The following LARP4B variants were observed in gnomAD, a reference collection of about 807,000 sequenced individuals.
LARP4B encodes La ribonucleoprotein 4B.
Under a neutral mutation model 89.8 loss-of-function variants are expected in LARP4B, and 12 were observed. The ratio of observed to expected loss-of-function variants is 0.13; its 90% confidence interval spans 0.09 to 0.22. The LOEUF (loss-of-function observed/expected upper bound fraction) is 0.22, where lower values mean the gene tolerates loss of function less well. LARP4B is among the 10% of genes least tolerant of loss of function. The pLI is 1.00. For missense variants in LARP4B, 757 were observed against 947.7 expected (o/e 0.80, Z 2.64); for synonymous variants, 367 against 363.3 (o/e 1.01, Z -0.12).
At chr10:842,063 G>A (rs1833544402) in intron 7 of LARP4B, among the ~76,000 whole-genome samples, 1 of 151,952 alleles carries the variant, frequency 6.6e-6, no homozygotes, top group South Asian at 2.1e-4. Flanking sequence ...TATAGGCAGT[G>A]GACTTAATTG....
chr10:869,691 G>A (rs373693284), intron 3 of LARP4B, among the ~76,000 whole-genome samples: 3 of 151,882 alleles, frequency 2.0e-5, no homozygotes, highest in East Asian at 1.9e-4. Context: ...GTTCAAAACC[G>A]GCCTGGCCAA....
the LARP4B span, among the ~76,000 whole-genome samples, chr10:963,950 G>C: frequency 1.7e-4 from 26 of 152,266 alleles, no homozygotes; most frequent in African/African-American, 6.3e-4. Context: ...TATTTTTGGG[G>C]GACACATTCA....
the LARP4B span, among the ~76,000 whole-genome samples, chr10:945,433 T>C: frequency 6.7e-6 from 1 of 149,022 alleles, no homozygotes; most frequent in Admixed American, 6.7e-5. Flanking sequence ...ACACCTGTAA[T>C]CCCAGCACTT....
At chr10:910,335 T>C (rs1246043095) in intron 1 of LARP4B, among the ~76,000 whole-genome samples, 4 of 152,214 alleles carry the variant, frequency 2.6e-5, no homozygotes, top group South Asian at 2.1e-4. Context: ...TCTCTACTTA[T>C]ATTAATTTTG....
upstream of LARP4B, among the ~76,000 whole-genome samples, chr10:932,683 C>G (rs1329331287): frequency 8.3e-5 from 12 of 143,984 alleles, 1 homozygote; most frequent in Admixed American, 2.1e-4. Context: ...CCCGGCACTG[C>G]CCCGAACGCC....
At position 814,682 on chromosome 10, in the gene LARP4B, C is replaced by T. The variant is rs756385716; in HGVS notation, c.1929+60G>A. The T allele has an allele frequency of 3.9e-6, 6 of 1,554,572 alleles. No homozygotes were observed. Among genetic ancestry groups the T allele is most frequent in the African/African-American group, 2.7e-5 (2 of 73,272 alleles). Reference sequence around the variant, plus strand: ...AACGAGCAGGTGCAGGAGTGCGCAGCGTCTGTTCACACCAGAGCCTCGCGG... The same window carrying T: ...AACGAGCAGGTGCAGGAGTGCGCAGTGTCTGTTCACACCAGAGCCTCGCGG... On this transcript the variant is annotated intron_variant, in intron 17 of 17. Coordinates refer to ENST00000316157, the MANE Select transcript of LARP4B (RefSeq NM_015155.3). The surrounding 1 kb of genome is among the most constrained non-coding windows in gnomAD (Gnocchi z 4.4).
intron 1 of LARP4B, among the ~76,000 whole-genome samples, chr10:887,043 TG>T (rs1251133946): frequency 7.9e-5 from 12 of 151,864 alleles, no homozygotes; most frequent in Admixed American, 7.9e-4. Flanking sequence ...GCTGAGATAG[TG>T]CCATTGCACT....
In LARP4B at chr10:810,281, G is replaced by A. The variant is rs1316626439; in HGVS notation, c.*2645C>T. 6.6e-6 allele frequency: 1 copy of A among 152,092 alleles called. No homozygotes were observed. The highest frequency in any genetic ancestry group is 2.4e-5 in the African/African-American group (1 of 41,400). 9.4% of individuals were successfully genotyped at this position (152,092 alleles called of 1,614,324 possible). A position where few individuals can be genotyped will look rare whatever the true frequency, so the allele number is the denominator to read the frequency against. On this transcript the variant is annotated 3_prime_UTR_variant, in exon 18 of 18. Coordinates refer to ENST00000316157, the MANE Select transcript of LARP4B (RefSeq NM_015155.3). ...ATTATGATAACTCTCATTTTCTTCT[G>A]AGCAGAAACTCTTGAAGTAGTATCA...
intron 3 of LARP4B, among the ~76,000 whole-genome samples, chr10:872,065 C>T (rs149396294): frequency 3.8e-4 from 58 of 152,306 alleles, no homozygotes; most frequent in African/African-American, 1.0e-3. Context: ...CCAGGACACA[C>T]GCATGACTTA....
intron 1 of LARP4B, among the ~76,000 whole-genome samples, chr10:914,892 T>C (rs1036999719): frequency 6.6e-6 from 1 of 150,448 alleles, no homozygotes; most frequent in Non-Finnish European, 1.5e-5. Flanking sequence ...TGTAGACCAT[T>C]TGTGGAAGAT....
chr10:874,275 G>A (rs1163413817), intron 3 of LARP4B, among the ~76,000 whole-genome samples: 3 of 151,774 alleles, frequency 2.0e-5, no homozygotes, highest in African/African-American at 4.8e-5. Context: ...CGAATGTGGC[G>A]ATGGGTAATG....
chr10:848,728 A>G (rs1200982215), intron 5 of LARP4B, among the ~76,000 whole-genome samples: 1 of 152,162 alleles, frequency 6.6e-6, no homozygotes, highest in Non-Finnish European at 1.5e-5. Context: ...GAGAAGCACA[A>G]CCAGCTGAGA....
rs532297509 is a variant in LARP4B, at chr10:835,983, C to T, written c.750+420G>A. Among the ~76,000 whole-genome samples, 280 of 152,086 alleles carry T rather than the reference C, an allele frequency of 1.8e-3. 1 individual carries two copies. Among genetic ancestry groups the T allele is most frequent in the African/African-American group, 6.6e-3 (273 of 41,468 alleles). On this transcript the variant is annotated intron_variant, in intron 8 of 17. Coordinates refer to ENST00000316157, the MANE Select transcript of LARP4B (RefSeq NM_015155.3). ...AAGTTACCAGTTCTCTAAGAGTGGC[C>T]GTGCTGGCTTGGACCAGGCTGCACT...
intron 5 of LARP4B, among the ~76,000 whole-genome samples, chr10:849,728 C>T (rs1833949011): frequency 6.6e-6 from 1 of 152,128 alleles, no homozygotes; most frequent in Non-Finnish European, 1.5e-5. Flanking sequence ...AAGATCAACA[C>T]CAACAGTGGT....
intron 13 of LARP4B, among the ~76,000 whole-genome samples, chr10:821,436 G>A (rs962049024): frequency 6.6e-6 from 1 of 152,126 alleles, no homozygotes; most frequent in Non-Finnish European, 1.5e-5. Flanking sequence ...CCCCATGCAG[G>A]CAGCAAGGCC....
At chr10:960,115 C>T in the LARP4B span, among the ~76,000 whole-genome samples, 8 of 152,100 alleles carry the variant, frequency 5.3e-5, no homozygotes, top group Non-Finnish European at 1.0e-4. Context: ...TGTCACTAAG[C>T]GGAAGAAGCC....
At chr10:904,555 T>C (rs545026455) in intron 1 of LARP4B, among the ~76,000 whole-genome samples, 10 of 150,808 alleles carry the variant, frequency 6.6e-5, no homozygotes, top group African/African-American at 2.4e-4. Context: ...AGGAAGACTG[T>C]CTCAAAATAA....
chr10:921,392 C>T (rs1836974686), intron 1 of LARP4B, among the ~76,000 whole-genome samples: 1 of 152,142 alleles, frequency 6.6e-6, no homozygotes, highest in South Asian at 2.1e-4. Flanking sequence ...GGGAAAACAT[C>T]TAGTCTACAG....
At chr10:823,934 C>A (rs974035314) in intron 13 of LARP4B, among the ~76,000 whole-genome samples, 4 of 152,136 alleles carry the variant, frequency 2.6e-5, no homozygotes, top group African/African-American at 9.7e-5. Flanking sequence ...ACTGCACAAT[C>A]CCTGCAGGAA....
Sources: allele counts gnomAD v4.1 joint callset (sites outside exome capture counted in the v4.1 genomes callset), GRCh38; gene constraint gnomAD v4.1.1; non-coding constraint Gnocchi (gnomAD v3.1); transcripts MANE v1.5; gene names NCBI Gene and HGNC (gene_info 2026-07-23, HGNC 2026-07-21).